Variants in COLEC10 observed in about 807,000 individuals in gnomAD.
COLEC10 encodes the protein collectin-10.
Under a neutral mutation model 28.4 loss-of-function variants are expected in COLEC10, and 22 were observed. The observed-to-expected ratio is 0.78, with a 90% CI of 0.55 to 1.11. COLEC10 has a LOEUF of 1.11. Among genes scored for constraint, COLEC10 ranks in the 50% least tolerant of loss-of-function variants. COLEC10 has a pLI of 0.00. For missense variants in COLEC10, 361 were observed against 344.1 expected, an observed-to-expected ratio of 1.05 and a Z score of -0.39; for synonymous variants, 125 against 116.1, an observed-to-expected ratio of 1.08 and a Z score of -0.49.
chr8:119,021,996 A>G (rs1298942950), intron 2 of COLEC10, among the ~76,000 whole-genome samples: 2 of 152,166 alleles, frequency 1.3e-5, no homozygotes, highest in Non-Finnish European at 2.9e-5. Context: ...AGCTGGCTTT[A>G]GGGAAAAAAT....
At chr8:119,076,067 ATTTTTTTTTT>A (rs11330366) in intron 1 of COLEC10, among the ~76,000 whole-genome samples, 47 of 90,084 alleles carry the variant, frequency 5.2e-4, no homozygotes, top group African/African-American at 2.2e-3. Flanking sequence ...CGCCCGGCTA[ATTTTTTTTTT>A]TTTTTTTTTT....
intron 2 of COLEC10, among the ~76,000 whole-genome samples, chr8:119,037,412 T>A (rs554659209): frequency 2.0e-5 from 3 of 147,032 alleles, no homozygotes; most frequent in African/African-American, 7.5e-5. Context: ...AAACTTGATA[T>A]TTTTTTTTTC....
intron 1 of COLEC10, among the ~76,000 whole-genome samples, chr8:119,004,343 G>T (rs1369074173): frequency 6.6e-6 from 1 of 151,758 alleles, no homozygotes; most frequent in African/African-American, 2.4e-5. Flanking sequence ...TCATAGACTT[G>T]TGTTACTTCA....
intron 2 of COLEC10, among the ~76,000 whole-genome samples, chr8:119,055,564 T>C (rs1814745396): frequency 6.6e-6 from 1 of 152,044 alleles, no homozygotes; most frequent in African/African-American, 2.4e-5. Flanking sequence ...GCCTCAAAAA[T>C]GTCAAGTCAC....
intron 5 of COLEC10, among the ~76,000 whole-genome samples, chr8:119,104,690 G>C (rs1044355690): frequency 6.6e-6 from 1 of 152,022 alleles, no homozygotes; most frequent in Non-Finnish European, 1.5e-5. Flanking sequence ...ATGCTGTCTC[G>C]TGTTCATCCT....
At chr8:119,028,893 T>C (rs1186013288) in intron 2 of COLEC10, among the ~76,000 whole-genome samples, 3 of 152,254 alleles carry the variant, frequency 2.0e-5, no homozygotes, top group Admixed American at 2.0e-4. Context: ...TATTCATTAC[T>C]TTATTCAACA....
At chr8:119,011,608 A>C (rs1813901830) in intron 2 of COLEC10, among the ~76,000 whole-genome samples, 1 of 150,980 alleles carries the variant, frequency 6.6e-6, no homozygotes, top group Non-Finnish European at 1.5e-5. Flanking sequence ...TGATCATGGA[A>C]TATTATTTAG....
intron 3 of COLEC10, among the ~76,000 whole-genome samples, chr8:119,094,149 C>G (rs60449953): frequency 6.6e-6 from 1 of 151,986 alleles, no homozygotes; most frequent in Non-Finnish European, 1.5e-5. Flanking sequence ...AGTCAGAGGT[C>G]GGATCATCAT....
chr8:118,992,053 T>A (rs1330691574), upstream of COLEC10, among the ~76,000 whole-genome samples: 1 of 152,038 alleles, frequency 6.6e-6, no homozygotes, highest in Non-Finnish European at 1.5e-5. Flanking sequence ...TACATAAGAG[T>A]GTGATTTTTG....
At chr8:119,028,415 A>C (rs1239314692) in intron 2 of COLEC10, among the ~76,000 whole-genome samples, 6 of 152,188 alleles carry the variant, frequency 3.9e-5, no homozygotes, top group Admixed American at 3.9e-4. Flanking sequence ...TGGACTTAAC[A>C]GTTCCATATG....
chr8:119,040,766 A>G (rs1040571279), intron 2 of COLEC10, among the ~76,000 whole-genome samples: 5 of 152,224 alleles, frequency 3.3e-5, no homozygotes, highest in African/African-American at 1.2e-4. Context: ...CCAGCTATCA[A>G]CAGAAGGGAA....
At chr8:118,988,343 T>C in the COLEC10 span, among the ~76,000 whole-genome samples, 1 of 152,140 alleles carries the variant, frequency 6.6e-6, no homozygotes, top group African/African-American at 2.4e-5. Context: ...CTCCTCTCTC[T>C]AACAAAGACG....
chr8:119,078,834 A>G (rs1017221494), intron 1 of COLEC10, among the ~76,000 whole-genome samples: 1 of 152,182 alleles, frequency 6.6e-6, no homozygotes, highest in African/African-American at 2.4e-5. Context: ...CACCAACCTA[A>G]TAACTACATT....
In COLEC10 at chr8:119,106,313, C is replaced by T. The variant is rs1815942386; in HGVS notation, c.*122C>T. 5.0e-6 allele frequency: 5 copies of T among 993,398 alleles called. No homozygotes were observed. The highest frequency in any genetic ancestry group is 7.4e-6 in the Non-Finnish European group (5 of 675,702). The allele number at this position is 993,398 out of a possible 1,614,324, so 61.5% of individuals were successfully genotyped here. On this transcript the variant is annotated 3_prime_UTR_variant, in exon 6 of 6. Transcript: ENST00000332843. Reference sequence around the variant, plus strand: ...GTCAACATAGCTAGAAAATGCTAAACTGAGGTATGGAGCCTCCATCATCAT... The same window carrying T: ...GTCAACATAGCTAGAAAATGCTAAATTGAGGTATGGAGCCTCCATCATCAT...
At chr8:119,030,579 T>G (rs1163002103) in intron 2 of COLEC10, among the ~76,000 whole-genome samples, 1 of 152,180 alleles carries the variant, frequency 6.6e-6, no homozygotes, top group East Asian at 1.9e-4. Context: ...CATGTGAATA[T>G]AAACAGGTTG....
chr8:118,991,824 T>TTATATTTATATTCAATTGAA (rs139483948), upstream of COLEC10, among the ~76,000 whole-genome samples: 2 of 152,066 alleles, frequency 1.3e-5, no homozygotes, highest in Admixed American at 1.3e-4. Context: ...CTGAGATAAA[T>TTATATTTATATTCAATTGAA]TATATTTATA....
At chr8:119,038,753 C>T (rs1369911257) in intron 2 of COLEC10, among the ~76,000 whole-genome samples, 1 of 152,104 alleles carries the variant, frequency 6.6e-6, no homozygotes, top group Non-Finnish European at 1.5e-5. Flanking sequence ...GTATTTCATT[C>T]ACAAGTGAAC....
intron 2 of COLEC10, among the ~76,000 whole-genome samples, chr8:119,040,343 C>T (rs543038766): frequency 6.6e-6 from 1 of 152,262 alleles, no homozygotes; most frequent in South Asian, 2.1e-4. Context: ...TAAGAGGAGA[C>T]ATTCTTGAGA....
chr8:119,006,562 T>C (rs1250352179), intron 1 of COLEC10, among the ~76,000 whole-genome samples: 2 of 152,078 alleles, frequency 1.3e-5, no homozygotes, highest in African/African-American at 4.8e-5. Flanking sequence ...ACACATGGTA[T>C]GGTCCCAATA....
Sources: gnomAD v4.1 joint callset for allele counts (sites outside exome capture counted in the v4.1 genomes callset) on GRCh38, gnomAD v4.1.1 for gene constraint, MANE v1.5 for transcripts, NCBI Gene and HGNC (gene_info 2026-07-23, HGNC 2026-07-21) for gene names.